The following CHD1L variants were observed in gnomAD, a reference collection of about 807,000 sequenced individuals.
CHD1L encodes the protein chromodomain helicase DNA binding protein 1 like, also known as ATP-dependent chromatin remodeler CHD1L.
In CHD1L, 118 loss-of-function variants were observed where a neutral mutation model predicts 115.9. The ratio of observed to expected loss-of-function variants is 1.02; its 90% CI spans 0.88 to 1.19. CHD1L has a LOEUF of 1.19. CHD1L is among the 50% of genes most tolerant of loss of function. CHD1L has a pLI of 0.00. For synonymous variants in CHD1L, 411 were observed against 387.1 expected, an observed-to-expected ratio of 1.06 and a Z score of -0.72; for missense variants, 1,179 against 1,065.3, an observed-to-expected ratio of 1.11 and a Z score of -1.49.
At chr1:147,266,694 T>C (rs1190456688) in intron 8 of CHD1L, among the ~76,000 whole-genome samples, 1 of 152,212 alleles carries the variant, frequency 6.6e-6, no homozygotes, top group Non-Finnish European at 1.5e-5. Flanking sequence ...ACAAGAGTAG[T>C]GATGCCTGCA....
chr1:147,229,667 T>C, the CHD1L span, among the ~76,000 whole-genome samples: 2,752 of 152,300 alleles, frequency 0.018, 79 homozygotes, highest in African/African-American at 0.062. Flanking sequence ...CATTTCTTTG[T>C]ATCCTCTTTT....
the CHD1L span, chr1:147,184,701 T>C: frequency 7.0e-7 from 1 of 1,419,352 alleles, no homozygotes; most frequent in East Asian, 2.6e-5. This position sits in a 1 kb window ranked among gnomAD's most constrained non-coding sequence, Gnocchi z 4.4. Flanking sequence ...ATCTCAAAGG[T>C]ACATACTATC....
chr1:147,186,750 G>T, the CHD1L span: 3 of 1,440,510 alleles, frequency 2.1e-6, no homozygotes, highest in Non-Finnish European at 2.7e-6. Flanking sequence ...AGGTTTCATT[G>T]TAGGAAAAAG....
chr1:147,223,760 C>T, the CHD1L span: 1 of 233,816 alleles, frequency 4.3e-6, no homozygotes, highest in Non-Finnish European at 8.5e-6. Context: ...AAGAGCTATC[C>T]TTTTATAAGC....
the CHD1L span, chr1:147,225,301 C>T: frequency 1.6e-6 from 1 of 643,466 alleles, no homozygotes; most frequent in Non-Finnish European, 2.4e-6. Flanking sequence ...TTTCCTGAAG[C>T]GCTCAACAGA....
At chr1:147,260,873 A>G (rs1281149447) in intron 6 of CHD1L, 1 of 152,210 alleles carries the variant, frequency 6.6e-6, no homozygotes, top group East Asian at 1.9e-4. Flanking sequence ...CCGAGGAGTC[A>G]GTGCGATGTG....
the CHD1L span, among the ~76,000 whole-genome samples, chr1:147,196,871 T>C: frequency 9.9e-5 from 15 of 152,172 alleles, no homozygotes; most frequent in African/African-American, 3.6e-4. Flanking sequence ...TGAAATTTCA[T>C]TTAAGTCTGG....
chr1:147,283,908 G>A (rs1477301833), intron 15 of CHD1L, among the ~76,000 whole-genome samples: 1 of 152,176 alleles, frequency 6.6e-6, no homozygotes, highest in South Asian at 2.1e-4. Flanking sequence ...AAAGAATATT[G>A]TAAATCCAAG....
At chr1:147,201,818 G>A in the CHD1L span, among the ~76,000 whole-genome samples, 1 of 152,142 alleles carries the variant, frequency 6.6e-6, no homozygotes, top group African/African-American at 2.4e-5. Flanking sequence ...CAGGTCAATA[G>A]TTTGTATTCT....
chr1:147,227,652 AT>A, the CHD1L span, among the ~76,000 whole-genome samples: 1 of 152,352 alleles, frequency 6.6e-6, no homozygotes, highest in Non-Finnish European at 1.5e-5. Context: ...TCAGTTACTC[AT>A]GCTATTACTA....
the CHD1L span, among the ~76,000 whole-genome samples, chr1:147,227,254 T>C: frequency 6.6e-6 from 1 of 152,244 alleles, no homozygotes; most frequent in Non-Finnish European, 1.5e-5. Flanking sequence ...CCATTTTATA[T>C]GCTAGAAGTT....
At chr1:147,190,475 T>C in the CHD1L span, among the ~76,000 whole-genome samples, 1 of 152,146 alleles carries the variant, frequency 6.6e-6, no homozygotes, top group Non-Finnish European at 1.5e-5. Flanking sequence ...TTTCCCCTAC[T>C]CTGACTTCCA....
intron 8 of CHD1L, among the ~76,000 whole-genome samples, chr1:147,266,729 A>G (rs587682824): frequency 2.6e-5 from 4 of 152,382 alleles, no homozygotes; most frequent in Admixed American, 2.0e-4. Context: ...AAGAAGCCAT[A>G]AAGTGCTTCC....
chr1:147,238,823 C>G (rs587762978), upstream of CHD1L, among the ~76,000 whole-genome samples: 1 of 152,268 alleles, frequency 6.6e-6, no homozygotes, highest in South Asian at 2.1e-4. Flanking sequence ...TTTTTACTAA[C>G]CCTGTTTTTA....
the CHD1L span, among the ~76,000 whole-genome samples, chr1:147,192,483 C>T: frequency 8.5e-3 from 1,298 of 152,174 alleles, 8 homozygotes; most frequent in Non-Finnish European, 0.013. Flanking sequence ...TTCCTCTTTT[C>T]CTAATCGAAT....
chr1:147,264,690 C>A, intron 7 of CHD1L, 106 bp downstream of exon 7: 1 of 1,200,254 alleles, frequency 8.3e-7, no homozygotes, highest in Non-Finnish European at 1.2e-6. Flanking sequence ...GACCAGAGGA[C>A]ACCTTCCAGG....
At chr1:147,280,245 C>G in intron 15 of CHD1L, 54 bp downstream of exon 15, 1 of 1,497,476 alleles carries the variant, frequency 6.7e-7, no homozygotes, top group South Asian at 1.4e-5. Context: ...AGCTAGAGCT[C>G]ACGTCCCCAT....
the CHD1L span, among the ~76,000 whole-genome samples, chr1:147,181,943 G>C: frequency 6.6e-6 from 1 of 152,182 alleles, no homozygotes; most frequent in South Asian, 2.1e-4. Context: ...AGAGTGGGAT[G>C]CTTGAAATTG....
intron 14 of CHD1L, among the ~76,000 whole-genome samples, chr1:147,277,094 C>T (rs782357574): frequency 9.2e-5 from 14 of 151,876 alleles, no homozygotes; most frequent in Non-Finnish European, 1.6e-4. Context: ...TTTTAGGCCC[C>T]TATGATGAGG....
Sources: allele counts gnomAD v4.1 joint callset (sites outside exome capture counted in the v4.1 genomes callset), GRCh38; gene constraint gnomAD v4.1.1; non-coding constraint Gnocchi (gnomAD v3.1); transcripts MANE v1.5; gene names NCBI Gene and HGNC (gene_info 2026-07-23, HGNC 2026-07-21).